FRMD6: variants seen among roughly 807,000 people sequenced by gnomAD.
FRMD6 encodes the protein FERM domain containing 6.
A neutral mutation model predicts 73.2 loss-of-function variants in FRMD6; 37 were observed. The observed-to-expected ratio is 0.51, with a 90% CI of 0.39 to 0.66. FRMD6 has a LOEUF of 0.66. Ranked by LOEUF, FRMD6 falls within the 30% of genes least tolerant of loss-of-function variation. The pLI, the probability that FRMD6 is intolerant of heterozygous loss-of-function variation, is 0.00. For missense variants in FRMD6, 714 were observed against 780.5 expected (o/e 0.91, Z 1.02); for synonymous variants, 273 against 282.2 (o/e 0.97, Z 0.33).
rs550875518 is a variant in FRMD6, at chr14:51,521,563, T to TA, written c.-210+32154dup. 4.6e-3 allele frequency among the ~76,000 whole-genome samples: 667 copies of TA among 143,902 alleles called. 5 individuals carry two copies. Among genetic ancestry groups the TA allele is most frequent in the African/African-American group, 0.012 (462 of 39,544 alleles). The allele number at this position is 143,902 out of a possible 152,430, so 94.4% of individuals were successfully genotyped here. On this transcript the variant is annotated intron_variant, in intron 1 of 14. Coordinates refer to the FRMD6 transcript ENST00000356218. ...GAGAACAGTAAAGAATGTATAGCTC[T>TA]AAAAAAAAAAAGACTGGTGTCATTT...
intron 1 of FRMD6, among the ~76,000 whole-genome samples, chr14:51,567,260 C>T (rs138429696): frequency 1.3e-3 from 200 of 152,278 alleles, no homozygotes; most frequent in African/African-American, 4.6e-3. Context: ...TGTTTTGAAA[C>T]GAGTGAAGGT....
chr14:51,431,781 A>G, the FRMD6 span, among the ~76,000 whole-genome samples: 3 of 152,198 alleles, frequency 2.0e-5, no homozygotes, highest in African/African-American at 7.2e-5. Flanking sequence ...GGATAGATCA[A>G]TTTTCCTTAA....
chr14:51,652,679 T>TG (rs1184456285), intron 1 of FRMD6, among the ~76,000 whole-genome samples: 3 of 152,062 alleles, frequency 2.0e-5, no homozygotes, highest in Non-Finnish European at 2.9e-5. Context: ...AGATACGAGT[T>TG]GGGGGTGCGG....
At chr14:51,527,717 C>CT (rs1885341208) in intron 1 of FRMD6, among the ~76,000 whole-genome samples, 1 of 152,206 alleles carries the variant, frequency 6.6e-6, no homozygotes, top group Non-Finnish European at 1.5e-5. Context: ...ATTTTTCATG[C>CT]TTCTGACAAT....
chr14:51,509,191 T>C (rs1015733678), intron 1 of FRMD6, among the ~76,000 whole-genome samples: 1 of 152,230 alleles, frequency 6.6e-6, no homozygotes, highest in Non-Finnish European at 1.5e-5. Flanking sequence ...TTACATTTCT[T>C]CTTCATCAGA....
chr14:51,616,719 A>G (rs1213134526), intron 2 of FRMD6, among the ~76,000 whole-genome samples: 2 of 152,142 alleles, frequency 1.3e-5, no homozygotes, highest in Non-Finnish European at 2.9e-5. Context: ...CCTGGAAGAA[A>G]ACAAGACAAG....
At chr14:51,436,260 C>T in the FRMD6 span, 1 of 364,668 alleles carries the variant, frequency 2.7e-6, no homozygotes, top group Non-Finnish European at 5.3e-6. Flanking sequence ...ATATAACAAA[C>T]TCCGTAAATA....
chr14:51,601,648 C>T (rs1433168505), intron 2 of FRMD6, among the ~76,000 whole-genome samples: 1 of 152,120 alleles, frequency 6.6e-6, no homozygotes, highest in South Asian at 2.1e-4. Context: ...ATCATTTATG[C>T]ACAAGTAAAA....
At chr14:51,484,523 C>CAGAAT (rs1418628273), upstream of FRMD6, among the ~76,000 whole-genome samples, 16 of 152,172 alleles carry the variant, frequency 1.1e-4, no homozygotes, top group African/African-American at 3.9e-4. Flanking sequence ...AGCCACTCAG[C>CAGAAT]AGTCACCCAG....
At chr14:51,509,369 C>T (rs75027256) in intron 1 of FRMD6, among the ~76,000 whole-genome samples, 19,938 of 151,752 alleles carry the variant, frequency 0.13, 1,643 homozygotes, top group East Asian at 0.25. Context: ...TAAAAAAATA[C>T]AAAAAAATTT....
At chr14:51,593,541 C>T (rs992704858) in intron 2 of FRMD6, among the ~76,000 whole-genome samples, 7 of 152,316 alleles carry the variant, frequency 4.6e-5, no homozygotes, top group Admixed American at 3.3e-4. Context: ...TTGGCTGCTG[C>T]ACGTATATTC....
At chr14:51,618,189 A>C (rs1406460789) in intron 2 of FRMD6, among the ~76,000 whole-genome samples, 8 of 152,124 alleles carry the variant, frequency 5.3e-5, no homozygotes, top group Admixed American at 5.2e-4. Context: ...TGGGTGTAAA[A>C]CTTTTTAGAA....
intron 1 of FRMD6, among the ~76,000 whole-genome samples, chr14:51,526,250 C>A (rs978508384): frequency 2.0e-5 from 3 of 152,162 alleles, no homozygotes; most frequent in Non-Finnish European, 4.4e-5. Flanking sequence ...AAAGGTGGAG[C>A]AAGTACTGTC....
intron 1 of FRMD6, among the ~76,000 whole-genome samples, chr14:51,532,602 G>A (rs567320376): frequency 6.6e-6 from 1 of 152,234 alleles, no homozygotes; most frequent in African/African-American, 2.4e-5. Flanking sequence ...AGGTGGAAGT[G>A]TTAACACAAA....
chr14:51,727,597 C>A, intron 13 of FRMD6, 148 bp from the exon 14 acceptor site: 1 of 662,252 alleles, frequency 1.5e-6, no homozygotes, highest in Non-Finnish European at 2.6e-6. Flanking sequence ...ATATATTTCC[C>A]CATACAGCCC....
At chr14:51,677,053 T>G (rs990631427) in intron 1 of FRMD6, among the ~76,000 whole-genome samples, 13 of 152,170 alleles carry the variant, frequency 8.5e-5, no homozygotes, top group African/African-American at 2.9e-4. Context: ...GATTCGCACT[T>G]GTTAATGTGT....
At chr14:51,423,244 C>T in the FRMD6 span, among the ~76,000 whole-genome samples, 5 of 152,158 alleles carry the variant, frequency 3.3e-5, no homozygotes, top group Non-Finnish European at 7.3e-5. Flanking sequence ...ATTTCCTTCC[C>T]CACATCTCAC....
chr14:51,612,665 C>G (rs954393467), intron 2 of FRMD6, among the ~76,000 whole-genome samples: 1 of 152,148 alleles, frequency 6.6e-6, no homozygotes, highest in East Asian at 1.9e-4. Context: ...TTTTGCTCAT[C>G]ATGGAATAAG....
the FRMD6 span, among the ~76,000 whole-genome samples, chr14:51,469,591 C>A: frequency 8.4e-6 from 1 of 118,730 alleles, no homozygotes; most frequent in Non-Finnish European, 1.6e-5. Flanking sequence ...CCAGCCTGGG[C>A]GACAGAGCGA....
Sources: gnomAD v4.1 joint callset for allele counts (sites outside exome capture counted in the v4.1 genomes callset) on GRCh38, gnomAD v4.1.1 for gene constraint, MANE v1.5 for transcripts, NCBI Gene and HGNC (gene_info 2026-07-23, HGNC 2026-07-21) for gene names.